Variants in SH3BGRL2 observed in about 807,000 individuals in gnomAD.
SH3BGRL2 encodes SH3 domain-binding glutamic acid-rich-like protein 2.
Under a neutral mutation model 14.8 loss-of-function variants are expected in SH3BGRL2, and 21 were observed. The observed-to-expected ratio is 1.42, with a 90% CI of 1.01 to 2.05. SH3BGRL2 has a LOEUF of 2.05. SH3BGRL2 is among the 30% of genes most tolerant of loss of function. SH3BGRL2 has a pLI of 0.00. For synonymous variants in SH3BGRL2, 50 were observed against 47.8 expected, an observed-to-expected ratio of 1.05 and a Z score of -0.19; for missense variants, 147 against 130.8, an observed-to-expected ratio of 1.12 and a Z score of -0.61.
chr6:79,636,584 CTG>C (rs1768927381), intron 1 of SH3BGRL2, among the ~76,000 whole-genome samples: 1 of 152,096 alleles, frequency 6.6e-6, no homozygotes, highest in Non-Finnish European at 1.5e-5. Flanking sequence ...ATACCAAAAA[CTG>C]GGGTGCTTAA....
chr6:79,604,592 C>T, the SH3BGRL2 span, among the ~76,000 whole-genome samples: 1 of 152,112 alleles, frequency 6.6e-6, no homozygotes, highest in African/African-American at 2.4e-5. Context: ...CATTTTTTCC[C>T]CTTGGTTATT....
the SH3BGRL2 span, among the ~76,000 whole-genome samples, chr6:79,553,658 T>C: frequency 6.8e-6 from 1 of 146,736 alleles, no homozygotes. Context: ...TCTCTGATAA[T>C]GTACAGTTTT....
At chr6:79,653,818 G>C (rs560189149) in intron 1 of SH3BGRL2, among the ~76,000 whole-genome samples, 1 of 152,316 alleles carries the variant, frequency 6.6e-6, no homozygotes, top group South Asian at 2.1e-4. Context: ...GAATGGTCTG[G>C]CTGTTGGCCA....
chr6:79,582,969 A>G, the SH3BGRL2 span, among the ~76,000 whole-genome samples: 2 of 152,218 alleles, frequency 1.3e-5, no homozygotes, highest in Non-Finnish European at 2.9e-5. Flanking sequence ...AAAAGTGGGC[A>G]AAGGATATGA....
At chr6:79,576,877 C>T in the SH3BGRL2 span, among the ~76,000 whole-genome samples, 1 of 152,150 alleles carries the variant, frequency 6.6e-6, no homozygotes, top group Non-Finnish European at 1.5e-5. Context: ...ATGAACTTTA[C>T]GTACCCTCTG....
intron 1 of SH3BGRL2, among the ~76,000 whole-genome samples, chr6:79,651,138 G>T (rs192616386): frequency 1.3e-5 from 2 of 152,008 alleles, no homozygotes; most frequent in Admixed American, 6.6e-5. Flanking sequence ...TGGCATCTAC[G>T]CACATTGATA....
chr6:79,673,526 C>T (rs1769816337), intron 1 of SH3BGRL2, 88 bp from the exon 2 acceptor site: 1 of 1,323,044 alleles, frequency 7.6e-7, no homozygotes, highest in Admixed American at 2.2e-5. Context: ...TTTTTTGTAT[C>T]AATGACATAA....
At chr6:79,630,853 C>T (rs987725371), upstream of SH3BGRL2, among the ~76,000 whole-genome samples, 6 of 152,150 alleles carry the variant, frequency 3.9e-5, no homozygotes, top group African/African-American at 1.4e-4. Context: ...ACGAGCCCAA[C>T]CCCACCGCCC....
chr6:79,670,689 G>C (rs535202719), intron 1 of SH3BGRL2, among the ~76,000 whole-genome samples: 1 of 152,320 alleles, frequency 6.6e-6, no homozygotes, highest in African/African-American at 2.4e-5. Flanking sequence ...AATACAGAAA[G>C]GTGTAGAATA....
the SH3BGRL2 span, among the ~76,000 whole-genome samples, chr6:79,593,401 A>G: frequency 6.6e-6 from 1 of 152,272 alleles, no homozygotes; most frequent in South Asian, 2.1e-4. Context: ...GCTTTTCTCT[A>G]TAGGATTCTG....
intron 1 of SH3BGRL2, among the ~76,000 whole-genome samples, chr6:79,659,524 T>C (rs1448123526): frequency 6.6e-6 from 1 of 152,252 alleles, no homozygotes; most frequent in Non-Finnish European, 1.5e-5. Context: ...AGTACCATGC[T>C]GTTTTGGTTA....
chr6:79,552,097 C>A, the SH3BGRL2 span, among the ~76,000 whole-genome samples: 32,371 of 151,798 alleles, frequency 0.21, 3,495 homozygotes, highest in African/African-American at 0.27. Context: ...CTCAAAAAAA[C>A]AAAAGTATTT....
intron 1 of SH3BGRL2, among the ~76,000 whole-genome samples, chr6:79,661,512 C>A (rs903401288): frequency 2.0e-5 from 3 of 152,152 alleles, no homozygotes; most frequent in African/African-American, 7.2e-5. Context: ...GTTGTGATTT[C>A]TGTTCTTTTA....
At chr6:79,694,414 G>A (rs767478888) in intron 2 of SH3BGRL2, among the ~76,000 whole-genome samples, 54 of 152,188 alleles carry the variant, frequency 3.5e-4, no homozygotes, top group Non-Finnish European at 7.2e-4. Context: ...TTTGGAAATA[G>A]CTTCATTACA....
At chr6:79,551,915 C>T in the SH3BGRL2 span, among the ~76,000 whole-genome samples, 1 of 152,064 alleles carries the variant, frequency 6.6e-6, no homozygotes, top group Non-Finnish European at 1.5e-5. Context: ...CATGGAGAAA[C>T]CCTGTCTCTA....
In SH3BGRL2 at chr6:79,702,342, T is replaced by A. The variant is rs980043004; in HGVS notation, c.*2833T>A. 6.6e-6 allele frequency: 1 copy of A among 152,668 alleles called. No homozygotes were observed. The highest frequency in any genetic ancestry group is 1.9e-4 in the East Asian group (1 of 5,198). The allele number at this position is 152,668 out of a possible 1,614,324, so 9.5% of individuals were successfully genotyped here. A position where few individuals can be genotyped will look rare whatever the true frequency, so the allele number is the denominator to read the frequency against. ...ATTTTACTATAGGGGTTTTGCTTTT[T>A]CTAGAGATACTTTTCATTTAACAGC... is the stretch of plus-strand genomic sequence containing the variant. On this transcript the variant is annotated 3_prime_UTR_variant, in exon 4 of 4. Coordinates refer to ENST00000369838, the MANE Select transcript of SH3BGRL2 (RefSeq NM_031469.4).
At chr6:79,647,871 A>G (rs191879732) in intron 1 of SH3BGRL2, among the ~76,000 whole-genome samples, 24 of 152,102 alleles carry the variant, frequency 1.6e-4, no homozygotes, top group Admixed American at 5.2e-4. Flanking sequence ...CATAAATTTG[A>G]TTTGTATATC....
chr6:79,670,238 A>G (rs1355718769), intron 1 of SH3BGRL2, among the ~76,000 whole-genome samples: 2 of 152,256 alleles, frequency 1.3e-5, no homozygotes, highest in African/African-American at 4.8e-5. Context: ...GCTGCAGGCC[A>G]TGTAAAAATG....
the SH3BGRL2 span, among the ~76,000 whole-genome samples, chr6:79,566,986 A>T: frequency 6.6e-6 from 1 of 152,134 alleles, no homozygotes; most frequent in South Asian, 2.1e-4. Context: ...CTCCCAAGAT[A>T]GGCATGATTT....
Sources: gnomAD v4.1 joint callset for allele counts (sites outside exome capture counted in the v4.1 genomes callset) on GRCh38, gnomAD v4.1.1 for gene constraint, MANE v1.5 for transcripts, NCBI Gene and HGNC (gene_info 2026-07-23, HGNC 2026-07-21) for gene names.